Variants in ZNF564 observed in about 807,000 individuals in gnomAD.
ZNF564 encodes zinc finger protein 564.
In ZNF564, 5 loss-of-function variants were observed where a neutral mutation model predicts 10.5. The ratio of observed to expected loss-of-function variants is 0.48; its 90% CI spans 0.25 to 1.00. The LOEUF is 1.00. Ranked by LOEUF, ZNF564 falls within the 50% of genes least tolerant of loss-of-function variation. The pLI is 0.16. For synonymous variants in ZNF564, 242 were observed against 218.1 expected, an observed-to-expected ratio of 1.11 and a Z score of -0.97; for missense variants, 603 against 669.7, an observed-to-expected ratio of 0.90 and a Z score of 1.10.
In ZNF564 at chr19:12,527,115, A is replaced by G. The variant is rs747040020; in HGVS notation, c.993T>C (p.His331=). 2.7e-5 allele frequency: 43 copies of G among 1,613,844 alleles called. No homozygotes were observed. The highest frequency in any genetic ancestry group is 3.4e-5 in the Non-Finnish European group (40 of 1,179,994). ...PSYVRKHERT[H]TGEKPYECNK... is the part of the protein sequence containing the mutation. The stretch of plus-strand genomic sequence containing the variant: ...TACATTCATAGGGTTTCTCCCCAGT[A>G]TGAGTTCTTTCATGCTTTCGAACAT... Residue 331 remains histidine, a synonymous_variant, in exon 4 of 4, where the codon CAT becomes CAC. Coordinates refer to ENST00000339282, the MANE Select transcript of ZNF564 (RefSeq NM_144976.4).
chr19:12,537,026 T>G (rs2021929617), intron 1 of ZNF564, among the ~76,000 whole-genome samples: 1 of 152,216 alleles, frequency 6.6e-6, no homozygotes, highest in Admixed American at 6.5e-5. Flanking sequence ...TCTTTCGGTC[T>G]CTATAGATTT....
chr19:12,540,329 A>G (rs2022017723), intron 1 of ZNF564, among the ~76,000 whole-genome samples: 1 of 152,200 alleles, frequency 6.6e-6, no homozygotes, highest in South Asian at 2.1e-4. Context: ...CCTCATATGC[A>G]ATATGTTTAG....
At chr19:12,545,343 G>A (rs890679986) in intron 1 of ZNF564, among the ~76,000 whole-genome samples, 2 of 151,392 alleles carry the variant, frequency 1.3e-5, no homozygotes, top group Non-Finnish European at 2.9e-5. Context: ...TCCTCATGAT[G>A]TGATTCACGG....
rs147084113 is a variant in ZNF564 at position 12,531,594 on chromosome 19, T to C, written c.4-2898A>G. On this transcript the variant is annotated intron_variant, in intron 1 of 3. Transcript: ENST00000339282. ...AATAAAAAAAAAAATAGGAGAACCATGGTAGGCACTGAGGAAAAAAGACCA... is the reference window on the plus strand; with the variant it reads ...AATAAAAAAAAAAATAGGAGAACCACGGTAGGCACTGAGGAAAAAAGACCA... Among the ~76,000 whole-genome samples the C allele has an allele frequency of 3.4e-3, 513 of 151,414 alleles. 1 individual carries two copies. Among genetic ancestry groups the C allele is most frequent in the African/African-American group, 0.012 (487 of 41,284 alleles).
rs763801552 is a variant in ZNF564 at position 12,528,292 on chromosome 19, A to C, written c.191+12T>G. The C allele has an allele frequency of 1.2e-6, 2 of 1,604,772 alleles. No homozygotes were observed. The highest frequency in any genetic ancestry group is 2.2e-5 in the South Asian group (2 of 89,240). On this transcript the variant is annotated intron_variant, in intron 3 of 3. Coordinates refer to ENST00000339282, the MANE Select transcript of ZNF564 (RefSeq NM_144976.4). ...GAAGGAGACATTGCTTTATCTTGTC[A>C]GTGCAAATTACCTTAAAATTCTCCC...
At position 12,527,762 on chromosome 19, in the gene ZNF564, A is replaced by C; in HGVS notation, c.346T>G (p.Ser116Ala). Residue 116 changes from serine to alanine, a missense_variant, in exon 4 of 4, where the codon TCA (serine) becomes GCA (alanine). Coordinates refer to ENST00000339282, the MANE Select transcript of ZNF564 (RefSeq NM_144976.4). ...GATCTGATGTGCCTACTAAGGGATG[A>C]ATGATGCATGAAGACTTTCCCACAC... ...SLCGKVFMHHSSLSRHIRSHL... is the reference protein window; with the variant it reads ...SLCGKVFMHHASLSRHIRSHL... 1 of 1,614,052 alleles carries C rather than the reference A, an allele frequency of 6.2e-7. No homozygotes were observed. Among genetic ancestry groups the C allele is most frequent in the Non-Finnish European group, 8.5e-7 (1 of 1,180,022 alleles).
intron 1 of ZNF564, among the ~76,000 whole-genome samples, chr19:12,549,342 T>C (rs1306492092): frequency 6.6e-6 from 1 of 152,196 alleles, no homozygotes; most frequent in Non-Finnish European, 1.5e-5. Flanking sequence ...CTGATTCCAA[T>C]GTCAGGTGAG....
At position 12,540,722 on chromosome 19, in the gene ZNF564, C is replaced by T. The variant is rs530365689; in HGVS notation, c.3+10608G>A. Among the ~76,000 whole-genome samples, 21 of 152,020 alleles carry T rather than the reference C, an allele frequency of 1.4e-4. No individual in the cohort carries two copies. The South Asian group carries it at 1.7e-3, about 12-fold the overall frequency. ...ACAAAAAATTAGCCGGGCGTGGTGGCGGGCGCCTGTAGTCCCAGCTACTCG... is the reference window on the plus strand; with the variant it reads ...ACAAAAAATTAGCCGGGCGTGGTGGTGGGCGCCTGTAGTCCCAGCTACTCG... On this transcript the variant is annotated intron_variant, in intron 1 of 3. Transcript: ENST00000339282.
chr19:12,548,344 G>C (rs1287941358), intron 1 of ZNF564, among the ~76,000 whole-genome samples: 1 of 151,278 alleles, frequency 6.6e-6, no homozygotes, highest in Non-Finnish European at 1.5e-5. Flanking sequence ...CAGCCACCCA[G>C]CAGCTGGGAC....
intron 1 of ZNF564, among the ~76,000 whole-genome samples, chr19:12,540,979 C>A (rs2022034413): frequency 6.7e-6 from 1 of 148,606 alleles, no homozygotes; most frequent in African/African-American, 2.5e-5. Context: ...CCACTGCACT[C>A]CAGCCTGGGC....
At chr19:12,540,550 T>C (rs948680198) in intron 1 of ZNF564, among the ~76,000 whole-genome samples, 81 of 151,954 alleles carry the variant, frequency 5.3e-4, no homozygotes, top group African/African-American at 1.9e-3. Flanking sequence ...TGAAACTCCA[T>C]CTCTATTAAA....
At chr19:12,536,223 T>C (rs1354748672) in intron 1 of ZNF564, among the ~76,000 whole-genome samples, 1 of 152,142 alleles carries the variant, frequency 6.6e-6, no homozygotes, top group African/African-American at 2.4e-5. Flanking sequence ...GTCACCCAGA[T>C]TGGAGTGCAG....
intron 1 of ZNF564, among the ~76,000 whole-genome samples, chr19:12,547,703 C>A (rs1287205712): frequency 6.6e-6 from 1 of 152,152 alleles, no homozygotes. Flanking sequence ...CCAGGAAGAA[C>A]CAACTGGGAC....
chr19:12,537,412 G>T (rs1202775564), intron 1 of ZNF564, among the ~76,000 whole-genome samples: 1 of 148,478 alleles, frequency 6.7e-6, no homozygotes, highest in Non-Finnish European at 1.5e-5. Context: ...GGTATTATAA[G>T]TGAGCTAAAG....
chr19:12,540,170 T>C (rs940383522), intron 1 of ZNF564, among the ~76,000 whole-genome samples: 2 of 152,122 alleles, frequency 1.3e-5, no homozygotes, highest in Non-Finnish European at 2.9e-5. Context: ...ACTGGCCCCA[T>C]CTGGAAAGAG....
intron 1 of ZNF564, among the ~76,000 whole-genome samples, chr19:12,531,163 C>T (rs1161898847): frequency 6.6e-6 from 1 of 152,146 alleles, no homozygotes; most frequent in Non-Finnish European, 1.5e-5. Context: ...AAGTTCTTCT[C>T]CAAATGTAGC....
intron 1 of ZNF564, among the ~76,000 whole-genome samples, chr19:12,531,390 A>G (rs1461410252): frequency 6.6e-6 from 1 of 151,954 alleles, no homozygotes; most frequent in African/African-American, 2.4e-5. Context: ...AACACGGCGA[A>G]ACCTCGTCTC....
In ZNF564 at chr19:12,527,605, G is replaced by C. The variant is rs768148285; in HGVS notation, c.503C>G (p.Pro168Arg). 9 of 1,614,060 alleles carry C rather than the reference G, an allele frequency of 5.6e-6. No individual in the cohort carries two copies. Among genetic ancestry groups the C allele is most frequent in the South Asian group, 1.1e-5 (1 of 91,094 alleles). The change falls in exon 4 of 4, where the codon CCC becomes CGC. Residue 168 changes from proline to arginine, a missense_variant. Pro to Arg is a moderately radical substitution (Grantham distance 103). Coordinates refer to ENST00000339282, the MANE Select transcript of ZNF564 (RefSeq NM_144976.4). ...RHERTHTGEK[P>R]YACPECGKAF... Reference sequence around the variant, plus strand: ...TTTCCCACATTCCGGACATGCATAGGGTTTCTCACCAGTGTGAGTTCTTTC... The same window carrying C: ...TTTCCCACATTCCGGACATGCATAGCGTTTCTCACCAGTGTGAGTTCTTTC...
In ZNF564 at chr19:12,527,677, T is replaced by C; in HGVS notation, c.431A>G (p.Lys144Arg). Reference protein sequence around the residue: ...QEYGEKPYKCKQCGKAFSSCQ... With the variant: ...QEYGEKPYKCRQCGKAFSSCQ... ...AGAACTGAAGGCTTTCCCACACTGCTTACATTTATATGGTTTCTCTCCATA... is the reference window on the plus strand; with the variant it reads ...AGAACTGAAGGCTTTCCCACACTGCCTACATTTATATGGTTTCTCTCCATA... Residue 144 changes from lysine to arginine, a missense_variant, in exon 4 of 4, where the codon AAG (lysine) becomes AGG (arginine). By Grantham distance (26) the Lys-to-Arg change is conservative. Coordinates refer to ENST00000339282, the MANE Select transcript of ZNF564 (RefSeq NM_144976.4). 6.2e-7 allele frequency: 1 copy of C among 1,614,186 alleles called. No individual in the cohort carries two copies. The highest frequency in any genetic ancestry group is 8.5e-7 in the Non-Finnish European group (1 of 1,180,024).
Sources: allele counts gnomAD v4.1 joint callset (sites outside exome capture counted in the v4.1 genomes callset), GRCh38; gene constraint gnomAD v4.1.1; transcripts MANE v1.5; gene names NCBI Gene and HGNC (gene_info 2026-07-23, HGNC 2026-07-21).